Variants in GRIN2A observed in about 807,000 individuals in gnomAD.
GRIN2A encodes the protein glutamate receptor ionotropic, NMDA 2A.
Under a neutral mutation model 113.4 loss-of-function variants are expected in GRIN2A, and 22 were observed. The observed-to-expected ratio is 0.19, with a 90% CI of 0.14 to 0.28. The LOEUF (loss-of-function observed/expected upper bound fraction) is 0.28, where lower values mean the gene tolerates loss of function less well. Among genes scored for constraint, GRIN2A ranks in the 10% least tolerant of loss-of-function variants. The probability of loss-of-function intolerance (pLI) is 1.00; values close to 1 mark genes in which losing one functional copy is unlikely to be tolerated. For missense variants in GRIN2A, 1,502 were observed against 1,887.0 expected, an observed-to-expected ratio of 0.80 and a Z score of 3.78; for synonymous variants, 827 against 738.4, an observed-to-expected ratio of 1.12 and a Z score of -1.94.
chr16:9,828,417 GT>G (rs1418657522), intron 9 of GRIN2A, among the ~76,000 whole-genome samples: 13 of 152,304 alleles, frequency 8.5e-5, no homozygotes, highest in African/African-American at 2.9e-4. Flanking sequence ...TGGATAAGCT[GT>G]AAAAGCTTTC....
intron 2 of GRIN2A, among the ~76,000 whole-genome samples, chr16:10,167,099 G>A (rs995598108): frequency 2.8e-5 from 4 of 145,292 alleles, no homozygotes; most frequent in African/African-American, 1.0e-4. Context: ...TGCAACTAGC[G>A]CCTGCATTAT....
At chr16:9,916,724 C>G (rs2141568616) in intron 3 of GRIN2A, among the ~76,000 whole-genome samples, 1 of 152,302 alleles carries the variant, frequency 6.6e-6, no homozygotes, top group Admixed American at 6.5e-5. Context: ...TCTTTTCCAC[C>G]AGTTCCTCCC....
chr16:9,791,029 T>G (rs1348861031), intron 11 of GRIN2A, among the ~76,000 whole-genome samples: 1 of 152,244 alleles, frequency 6.6e-6, no homozygotes, highest in Non-Finnish European at 1.5e-5. Context: ...TATTTTCATA[T>G]TTAATCCTTA....
chr16:10,152,481 A>C (rs2049601618), intron 2 of GRIN2A, among the ~76,000 whole-genome samples: 1 of 152,126 alleles, frequency 6.6e-6, no homozygotes, highest in African/African-American at 2.4e-5. Context: ...CACTATTGAA[A>C]TTCTATACAT....
At chr16:10,097,061 C>T (rs966732105) in intron 2 of GRIN2A, among the ~76,000 whole-genome samples, 10 of 152,192 alleles carry the variant, frequency 6.6e-5, no homozygotes, top group African/African-American at 1.9e-4. Context: ...TCTGTTTCAA[C>T]TCTTCTGAAA....
intron 2 of GRIN2A, among the ~76,000 whole-genome samples, chr16:10,006,280 C>A (rs1387771744): frequency 1.3e-5 from 2 of 152,126 alleles, no homozygotes; most frequent in African/African-American, 4.8e-5. Context: ...TTTTACAATG[C>A]AACTTCAACA....
intron 9 of GRIN2A, among the ~76,000 whole-genome samples, chr16:9,828,696 C>T (rs2042431920): frequency 6.6e-6 from 1 of 152,096 alleles, no homozygotes; most frequent in South Asian, 2.1e-4. Context: ...CTACTCAAAC[C>T]CTGCAACCCT....
chr16:9,989,181 T>C (rs750580635), intron 2 of GRIN2A, among the ~76,000 whole-genome samples: 2 of 152,140 alleles, frequency 1.3e-5, no homozygotes, highest in African/African-American at 4.8e-5. Context: ...AGCATGGTAC[T>C]GGTAAAAGAC....
intron 2 of GRIN2A, among the ~76,000 whole-genome samples, chr16:10,091,787 G>C (rs1418920711): frequency 6.6e-6 from 1 of 152,178 alleles, no homozygotes; most frequent in African/African-American, 2.4e-5. Context: ...TATATTGTAT[G>C]ATTCCATTTA....
At chr16:9,916,426 G>A (rs974511188) in intron 3 of GRIN2A, among the ~76,000 whole-genome samples, 4 of 152,156 alleles carry the variant, frequency 2.6e-5, no homozygotes, top group Non-Finnish European at 4.4e-5. Flanking sequence ...CTGCCGGCAC[G>A]TATAAATCGA....
At chr16:10,067,470 C>A (rs576614405) in intron 2 of GRIN2A, among the ~76,000 whole-genome samples, 1 of 152,164 alleles carries the variant, frequency 6.6e-6, no homozygotes, top group Non-Finnish European at 1.5e-5. Flanking sequence ...AGCATCCATG[C>A]CAATGACACG....
intron 2 of GRIN2A, among the ~76,000 whole-genome samples, chr16:9,963,614 A>G (rs1212639073): frequency 6.6e-6 from 1 of 152,176 alleles, no homozygotes; most frequent in African/African-American, 2.4e-5. Flanking sequence ...ATTGAGCTTT[A>G]CACTTAAGAT....
intron 3 of GRIN2A, among the ~76,000 whole-genome samples, chr16:9,901,222 A>G (rs905402253): frequency 6.6e-6 from 1 of 151,726 alleles, no homozygotes; most frequent in African/African-American, 2.4e-5. Flanking sequence ...AAAAGTCTCA[A>G]CTCTCTGTCT....
rs780761179 is a variant in GRIN2A, at chr16:9,840,739, T to A, written c.1559A>T (p.Glu520Val). 6.2e-7 allele frequency: 1 copy of A among 1,607,282 alleles called. No homozygotes were observed. Residue 520 changes from glutamate to valine, a missense_variant, in exon 7 of 13, where the codon GAA becomes GTA. Physicochemically the swap from Glu to Val is moderately radical, Grantham distance 121. Transcript: ENST00000330684. ...GSLTINEERS[E>V]VVDFSVPFVE... ...AAAGGGCACAGAGAAGTCCACCACT[T>A]CAGAACGTTCCTCATTGATGGTGAG...
intron 2 of GRIN2A, among the ~76,000 whole-genome samples, chr16:10,137,067 T>A (rs2142239773): frequency 6.6e-6 from 1 of 152,320 alleles, no homozygotes; most frequent in South Asian, 2.1e-4. Flanking sequence ...GGAGTGCTTA[T>A]CCACAAATCC....
Position 10,055,084 on chromosome 16 carries a change from AAGAAAAAAG to A in GRIN2A, c.415-116542_415-116534del, listed in dbSNP as rs1567266426. On this transcript the variant is annotated intron_variant, in intron 2 of 12. Transcript: ENST00000330684. The stretch of plus-strand genomic sequence containing the variant: ...AAAAAAAAAAAAAAAAAAAAAAAAA[AAGAAAAAAG>A]AAAGAAAGAAAGAAAAAAGAAAAAA... Among the ~76,000 whole-genome samples the A allele has an allele frequency of 8.6e-4, 61 of 70,806 alleles. 12 individuals are homozygous for A. Among genetic ancestry groups the A allele is most frequent in the South Asian group, 3.7e-3 (7 of 1,886 alleles). The allele number at this position is 70,806 out of a possible 152,430, so 46.5% of individuals were successfully genotyped here.
rs533916049 is a variant in GRIN2A, at chr16:9,898,579, T to C, written c.1008-7479A>G. Among the ~76,000 whole-genome samples the C allele has an allele frequency of 3.3e-5, 5 of 152,322 alleles. No individual in the cohort carries two copies. The South Asian group carries it at 6.2e-4, about 19-fold the overall frequency. On this transcript the variant is annotated intron_variant, in intron 3 of 12. Coordinates refer to ENST00000330684, the MANE Select transcript of GRIN2A (RefSeq NM_001134407.3). ...AAATGCCACCATAACCCATTTAGTG[T>C]TTCTCAATTTTCGGTTAATTTTCCA... is the stretch of plus-strand genomic sequence containing the variant.
In GRIN2A at chr16:9,760,988, G is replaced by T. The variant is rs1900557084; in HGVS notation, c.*2161C>A. 10 of 232,484 alleles carry T rather than the reference G, an allele frequency of 4.3e-5. No individual in the cohort carries two copies. In the South Asian group the frequency reaches 1.8e-3, roughly 42 times the overall value. 14.4% of individuals were successfully genotyped at this position (232,484 alleles called of 1,614,324 possible). A position where few individuals can be genotyped will look rare whatever the true frequency, so the allele number is the denominator to read the frequency against. ...TTCGATCCAGGCTTCTCCATGGCTG[G>T]GTCTTGGGGCAGCAGAGGTACAGCA... On this transcript the variant is annotated 3_prime_UTR_variant, in exon 13 of 13. Coordinates refer to ENST00000330684, the MANE Select transcript of GRIN2A (RefSeq NM_001134407.3).
chr16:9,774,465 C>G (rs1281184923), intron 11 of GRIN2A, among the ~76,000 whole-genome samples: 3 of 152,182 alleles, frequency 2.0e-5, no homozygotes, highest in Non-Finnish European at 2.9e-5. Context: ...GGTACCGGCT[C>G]TTTGATCATG....
Sources: gnomAD v4.1 joint callset for allele counts (sites outside exome capture counted in the v4.1 genomes callset) on GRCh38, gnomAD v4.1.1 for gene constraint, MANE v1.5 for transcripts, NCBI Gene and HGNC (gene_info 2026-07-23, HGNC 2026-07-21) for gene names.